ZDHHC15: variants seen among roughly 807,000 people sequenced by gnomAD.
ZDHHC15 encodes palmitoyltransferase ZDHHC15.
In ZDHHC15, 19 loss-of-function variants were observed where a neutral mutation model predicts 31.7. That is an observed-to-expected ratio of 0.60 (90% CI 0.42 to 0.88). The LOEUF is 0.88. ZDHHC15 is among the 40% of genes least tolerant of loss of function. ZDHHC15 has a pLI of 0.00. For missense variants in ZDHHC15, 209 were observed against 251.2 expected, an observed-to-expected ratio of 0.83 and a Z score of 1.14; for synonymous variants, 103 against 90.0, an observed-to-expected ratio of 1.14 and a Z score of -0.82.
At chrX:75,451,251 T>C (rs1185403565) in intron 3 of ZDHHC15, among the ~76,000 whole-genome samples, 2 of 112,032 alleles carry the variant, frequency 1.8e-5, no homozygotes, top group African/African-American at 6.5e-5. Flanking sequence ...TCCCTTTCCA[T>C]TGATTCATAA....
At chrX:75,515,367 T>A (rs2085340164) in intron 1 of ZDHHC15, among the ~76,000 whole-genome samples, 1 of 110,077 alleles carries the variant, frequency 9.1e-6, no homozygotes, top group Admixed American at 9.6e-5. Context: ...CAGAAGCACA[T>A]CAAAAAGCTT....
intron 2 of ZDHHC15, among the ~76,000 whole-genome samples, chrX:75,496,805 A>G (rs142073812): frequency 2.7e-3 from 301 of 111,575 alleles, no homozygotes; most frequent in Non-Finnish European, 4.6e-3. Context: ...GAATAATAAT[A>G]GTGACACAAC....
At chrX:75,490,866 T>C (rs1396165508) in intron 2 of ZDHHC15, among the ~76,000 whole-genome samples, 1 of 111,508 alleles carries the variant, frequency 9.0e-6, no homozygotes, top group African/African-American at 3.3e-5. Flanking sequence ...TGCTGAAGCT[T>C]ATGAAAAAAT....
At chrX:75,480,180 A>C (rs1215554064) in intron 2 of ZDHHC15, among the ~76,000 whole-genome samples, 1 of 111,563 alleles carries the variant, frequency 9.0e-6, no homozygotes, top group Non-Finnish European at 1.9e-5. Flanking sequence ...CTCCTGGCTC[A>C]GTTCTCCCAG....
chrX:75,428,342 T>C (rs1423335091), intron 7 of ZDHHC15, among the ~76,000 whole-genome samples: 1 of 112,156 alleles, frequency 8.9e-6, no homozygotes, highest in African/African-American at 3.2e-5. Context: ...CTTAAGTTTG[T>C]TTTTCTTTTT....
At chrX:75,409,810 A>C (rs1335337935) in intron 10 of ZDHHC15, among the ~76,000 whole-genome samples, 1 of 98,923 alleles carries the variant, frequency 1.0e-5, no homozygotes, top group Non-Finnish European at 2.0e-5. Flanking sequence ...AAAAAAAAAA[A>C]AAAAAAAAAA....
At chrX:75,495,638 G>T (rs958325267) in intron 2 of ZDHHC15, among the ~76,000 whole-genome samples, 5 of 110,025 alleles carry the variant, frequency 4.5e-5, no homozygotes, top group Non-Finnish European at 9.5e-5. Context: ...GTAGAGACAT[G>T]GATGAAACTG....
At chrX:75,382,393 T>C (rs1157034456) in intron 10 of ZDHHC15, among the ~76,000 whole-genome samples, 1 of 112,336 alleles carries the variant, frequency 8.9e-6, no homozygotes, top group Non-Finnish European at 1.9e-5. Flanking sequence ...AGAGTATGGA[T>C]ACATTCTTAT....
intron 3 of ZDHHC15, among the ~76,000 whole-genome samples, chrX:75,467,606 T>G (rs769929325): frequency 8.9e-6 from 1 of 112,285 alleles, no homozygotes; most frequent in South Asian, 3.7e-4. Context: ...GATGTGGTCT[T>G]AAGTGTTAGA....
intron 10 of ZDHHC15, among the ~76,000 whole-genome samples, chrX:75,398,721 CT>C (rs1853719974): frequency 9.0e-6 from 1 of 111,726 alleles, no homozygotes; most frequent in South Asian, 3.8e-4. Flanking sequence ...TGAACTCCCC[CT>C]GGGACAGCAC....
chrX:75,452,038 C>A (rs1042362242), intron 3 of ZDHHC15, among the ~76,000 whole-genome samples: 23 of 110,555 alleles, frequency 2.1e-4, no homozygotes, highest in Non-Finnish European at 3.4e-4. Context: ...ACAATATTAA[C>A]CTTGAAAGTT....
intron 4 of ZDHHC15, among the ~76,000 whole-genome samples, chrX:75,449,967 T>A (rs1433156733): frequency 1.8e-5 from 2 of 111,979 alleles, no homozygotes; most frequent in Non-Finnish European, 3.8e-5. Context: ...AAAAAGAAGA[T>A]ATGTCTTTGC....
intron 1 of ZDHHC15, among the ~76,000 whole-genome samples, chrX:75,515,963 A>C (rs1026865039): frequency 1.8e-5 from 2 of 111,676 alleles, no homozygotes; most frequent in African/African-American, 6.5e-5. Context: ...GAGCCAAATC[A>C]TGAGTGAACT....
At chrX:75,400,488 G>C (rs755679090) in intron 10 of ZDHHC15, among the ~76,000 whole-genome samples, 6 of 111,666 alleles carry the variant, frequency 5.4e-5, no homozygotes, top group Middle Eastern at 4.7e-3. Flanking sequence ...TATGTAAAGA[G>C]GCCAAAGCTA....
At chrX:75,474,573 TAC>T (rs375925139) in intron 3 of ZDHHC15, among the ~76,000 whole-genome samples, 226 of 64,236 alleles carry the variant, frequency 3.5e-3, no homozygotes, top group African/African-American at 4.3e-3. Flanking sequence ...ATCCCCTTTA[TAC>T]ACACACACAC....
chrX:75,451,818 T>C (rs1033032342), intron 3 of ZDHHC15, among the ~76,000 whole-genome samples: 4 of 111,154 alleles, frequency 3.6e-5, no homozygotes, highest in Non-Finnish European at 7.6e-5. Flanking sequence ...TTAAAAATAT[T>C]TGATGTTGCT....
rs372850093 is a variant in ZDHHC15, at chrX:75,394,434, G to GA, written c.968-15237dup. Among the ~76,000 whole-genome samples the GA allele has an allele frequency of 9.6e-3, 947 of 98,630 alleles. 14 individuals carry two copies. Among genetic ancestry groups the GA allele is most frequent in the African/African-American group, 0.03 (818 of 27,355 alleles). The allele number at this position is 98,630 out of a possible 115,157, so 85.6% of individuals were successfully genotyped here. ...AAAGAGAAAAAGTGGCTGAATGGAT[G>GA]AAAAAAAAAAACAAGACCCGATGAT... On this transcript the variant is annotated intron_variant, in intron 10 of 11. Coordinates refer to ENST00000373367, the MANE Select transcript of ZDHHC15 (RefSeq NM_144969.3).
At chrX:75,423,001 T>A (rs1447826459) in intron 8 of ZDHHC15, among the ~76,000 whole-genome samples, 1 of 79,180 alleles carries the variant, frequency 1.3e-5, no homozygotes, top group Non-Finnish European at 2.3e-5. Context: ...TTCCCCTTCC[T>A]GTGTCCATGT....
intron 10 of ZDHHC15, among the ~76,000 whole-genome samples, chrX:75,414,133 G>C (rs2083517798): frequency 8.9e-6 from 1 of 111,835 alleles, no homozygotes; most frequent in Non-Finnish European, 1.9e-5. Flanking sequence ...ATAGCCCCAA[G>C]ACTCAAAAGT....
Sources: gnomAD v4.1 joint callset for allele counts (sites outside exome capture counted in the v4.1 genomes callset) on GRCh38, gnomAD v4.1.1 for gene constraint, MANE v1.5 for transcripts, NCBI Gene and HGNC (gene_info 2026-07-23, HGNC 2026-07-21) for gene names.